Variants in CENPC observed in about 807,000 individuals in gnomAD.
The protein encoded by CENPC is centromere protein C, also known as CENP-C 1.
In CENPC, 63 loss-of-function variants were observed where a neutral mutation model predicts 112.1. That is an observed-to-expected ratio of 0.56 (90% CI 0.46 to 0.69). The LOEUF (loss-of-function observed/expected upper bound fraction) is 0.69, where lower values mean the gene tolerates loss of function less well. Ranked by LOEUF, CENPC falls within the 30% of genes least tolerant of loss-of-function variation. The probability of loss-of-function intolerance (pLI) is 0.00; values close to 1 mark genes in which losing one functional copy is unlikely to be tolerated. For missense variants in CENPC, 1,000 were observed against 1,103.8 expected (o/e 0.91, Z 1.33); for synonymous variants, 333 against 367.6 (o/e 0.91, Z 1.08).
intron 12 of CENPC, 178 bp downstream of exon 12, chr4:67,505,027 C>T (rs1725695626): frequency 1.8e-6 from 1 of 563,980 alleles, no homozygotes; most frequent in Admixed American, 3.7e-5. Flanking sequence ...AAAACTGTCA[C>T]TCATTTTCTT....
chr4:67,545,096 G>C (rs905763282), intron 1 of CENPC, among the ~76,000 whole-genome samples: 1 of 152,110 alleles, frequency 6.6e-6, no homozygotes, highest in East Asian at 1.9e-4. Context: ...CACCTCTCAA[G>C]AGTAAGACGT....
chr4:67,529,607 T>C (rs1726486475), intron 5 of CENPC, among the ~76,000 whole-genome samples: 1 of 152,174 alleles, frequency 6.6e-6, no homozygotes, highest in South Asian at 2.1e-4. Flanking sequence ...ATTACAGGCA[T>C]GAGCAACCAC....
At chr4:67,477,099 A>C (rs1320617837) in intron 17 of CENPC, among the ~76,000 whole-genome samples, 1 of 152,156 alleles carries the variant, frequency 6.6e-6, no homozygotes, top group Non-Finnish European at 1.5e-5. Context: ...CTGTAGCCTA[A>C]GACAGGAGCT....
At chr4:67,483,434 C>A (rs1725006376) in intron 17 of CENPC, among the ~76,000 whole-genome samples, 1 of 151,808 alleles carries the variant, frequency 6.6e-6, no homozygotes, top group Admixed American at 6.6e-5. Flanking sequence ...TAAAATATAA[C>A]ACAATTTTGT....
At chr4:67,505,405 GA>G (rs1392730238) in intron 11 of CENPC, 121 bp from the exon 12 acceptor site, 1 of 631,880 alleles carries the variant, frequency 1.6e-6, no homozygotes, top group Non-Finnish European at 2.8e-6. Flanking sequence ...AACCAATAGT[GA>G]TGTTACAAGT....
chr4:67,507,049 G>C, intron 10 of CENPC, 115 bp from the exon 11 acceptor site: 1 of 681,942 alleles, frequency 1.5e-6, no homozygotes, highest in East Asian at 3.0e-5. Context: ...ACGAATATCA[G>C]ATCACCCTGT....
chr4:67,521,484 T>C (rs556149422), intron 5 of CENPC, among the ~76,000 whole-genome samples: 6 of 152,280 alleles, frequency 3.9e-5, no homozygotes, highest in African/African-American at 1.4e-4. Context: ...TACAATGAGA[T>C]ACTACATCAC....
intron 7 of CENPC, among the ~76,000 whole-genome samples, 169 bp downstream of exon 7, chr4:67,517,987 C>A (rs1726107632): frequency 6.6e-6 from 1 of 152,114 alleles, no homozygotes; most frequent in African/African-American, 2.4e-5. Context: ...GGGAGTGACT[C>A]ACTGACTGGT....
In CENPC at chr4:67,469,545, A is replaced by T. The variant is rs1378913935; in HGVS notation, c.*3060T>A. ...ATTTTAGTAGAGACGGGGTTTCACC[A>T]TGTTAGCCAGGCTGGTCTCGAACTC... On this transcript the variant is annotated 3_prime_UTR_variant, in exon 19 of 19. Coordinates refer to ENST00000273853, the MANE Select transcript of CENPC (RefSeq NM_001812.4). The T allele has an allele frequency of 1.3e-5, 2 of 152,288 alleles. No homozygotes were observed. The highest frequency in any genetic ancestry group is 3.8e-4 in the East Asian group (2 of 5,196). The allele number at this position is 152,288 out of a possible 1,614,324, so 9.4% of individuals were successfully genotyped here.
chr4:67,481,010 T>C (rs1454448660), intron 17 of CENPC, among the ~76,000 whole-genome samples: 1 of 152,194 alleles, frequency 6.6e-6, no homozygotes, highest in Admixed American at 6.5e-5. Flanking sequence ...AAACTGTTGC[T>C]GTTTGCCAAT....
At chr4:67,513,546 C>T (rs1725958191) in intron 8 of CENPC, among the ~76,000 whole-genome samples, 1 of 152,056 alleles carries the variant, frequency 6.6e-6, no homozygotes, top group Non-Finnish European at 1.5e-5. Flanking sequence ...TGTATCCTTC[C>T]TTTTAATCCT....
At chr4:67,527,327 A>C (rs1016551834) in intron 5 of CENPC, among the ~76,000 whole-genome samples, 3 of 152,146 alleles carry the variant, frequency 2.0e-5, no homozygotes, top group Non-Finnish European at 4.4e-5. Flanking sequence ...CAAAAAATGC[A>C]TGACAAAATC....
chr4:67,512,512 GA>G lies in CENPC; in HGVS notation c.1501del (p.Ser501ProfsTer13). 1 of 1,582,326 alleles carries G rather than the reference GA, an allele frequency of 6.3e-7. No homozygotes were observed. Among genetic ancestry groups the G allele is most frequent in the South Asian group, 1.2e-5 (1 of 84,630 alleles). The stretch of plus-strand genomic sequence containing the variant: ...TACAAGTTTGTTCTTGGACTCACTG[GA>G]AAAGCGCTTCTTTTTAGATTCTTCC... ...DKEESKKKRF[S>X]SESKNKLVPE... On this transcript the variant is annotated frameshift_variant, in exon 9 of 19. Transcript: ENST00000273853. LOFTEE classifies it high-confidence loss of function.
chr4:67,529,564 G>A (rs149325653), intron 5 of CENPC, among the ~76,000 whole-genome samples: 1,702 of 152,170 alleles, frequency 0.011, 14 homozygotes, highest in Non-Finnish European at 0.014. Context: ...GACCTCAACT[G>A]ATCCACCTGC....
At chr4:67,534,412 AAAG>A (rs1473328580) in intron 4 of CENPC, among the ~76,000 whole-genome samples, 1 of 152,170 alleles carries the variant, frequency 6.6e-6, no homozygotes. Flanking sequence ...TTCTCAAAAA[AAAG>A]AAGGTAGTAA....
chr4:67,540,918 C>A, intron 3 of CENPC, 62 bp downstream of exon 3: 1 of 1,110,848 alleles, frequency 9.0e-7, no homozygotes, highest in South Asian at 1.4e-5. Flanking sequence ...TATTAATTAC[C>A]ATGACAAATT....
At chr4:67,500,290 GTATAAA>G (rs1050424797) in intron 12 of CENPC, among the ~76,000 whole-genome samples, 3 of 152,114 alleles carry the variant, frequency 2.0e-5, no homozygotes, top group African/African-American at 4.8e-5. Flanking sequence ...AGGTATGCCT[GTATAAA>G]TATAAATATA....
intron 14 of CENPC, 66 bp from the exon 15 acceptor site, chr4:67,493,063 AAT>A (rs1725328433): frequency 7.9e-7 from 1 of 1,270,488 alleles, no homozygotes; most frequent in East Asian, 2.8e-5. Context: ...AAACTCCTTA[AAT>A]TTAATATGGC....
Position 67,489,887 on chromosome 4 carries a change from A to C in CENPC, c.2670+80T>G, listed in dbSNP as rs1467799490. On this transcript the variant is annotated intron_variant, in intron 17 of 18. Coordinates refer to ENST00000273853, the MANE Select transcript of CENPC (RefSeq NM_001812.4). ...AATCGAATTTCATTTCTGAGAAAAC[A>C]GCATTTTAATGTCTCATCAAATCCA... is the stretch of plus-strand genomic sequence containing the variant. The C allele has an allele frequency of 5.9e-6, 7 of 1,183,396 alleles. No homozygotes were observed. In the East Asian group the frequency reaches 1.8e-4, roughly 31 times the overall value. The allele number at this position is 1,183,396 out of a possible 1,614,324, so 73.3% of individuals were successfully genotyped here. A position where few individuals can be genotyped will look rare whatever the true frequency, so the allele number is the denominator to read the frequency against.
Sources: gnomAD v4.1 joint callset for allele counts (sites outside exome capture counted in the v4.1 genomes callset) on GRCh38, gnomAD v4.1.1 for gene constraint, MANE v1.5 for transcripts, NCBI Gene and HGNC (gene_info 2026-07-23, HGNC 2026-07-21) for gene names.